IFT70A: variants seen among roughly 807,000 people sequenced by gnomAD.
IFT70A encodes intraflagellar transport protein 70A.
the IFT70A span, chr2:177,614,154 G>A: frequency 6.6e-6 from 1 of 152,066 alleles, no homozygotes; most frequent in South Asian, 2.1e-4. Context: ...GTGGTATCAA[G>A]TATAGAGTAA....
the IFT70A span, chr2:177,616,745 A>G: frequency 1.1e-5 from 17 of 1,546,274 alleles, no homozygotes; most frequent in East Asian, 4.5e-5. Context: ...AAAGCTTTCA[A>G]TTGTCTGGAC....
chr2:177,613,550 T>C, the IFT70A span: 6 of 152,218 alleles, frequency 3.9e-5, no homozygotes, highest in African/African-American at 9.6e-5. Context: ...GAGACTCTGA[T>C]TAGAAAAACT....
the IFT70A span, chr2:177,614,210 C>T: frequency 6.6e-6 from 1 of 152,088 alleles, no homozygotes; most frequent in African/African-American, 2.4e-5. Context: ...AAACACTATA[C>T]CTATGGCTAG....
At chr2:177,616,591 A>G in the IFT70A span, 1 of 1,021,424 alleles carries the variant, frequency 9.8e-7, no homozygotes, top group Non-Finnish European at 1.4e-6. Context: ...TGTTCTTACA[A>G]AGTGGATAAG....
At chr2:177,614,643 T>TA in the IFT70A span, 9 of 152,206 alleles carry the variant, frequency 5.9e-5, no homozygotes, top group Non-Finnish European at 1.2e-4. Context: ...AAAAGGTTGT[T>TA]ATGCATCTTT....
At chr2:177,617,182 G>A in the IFT70A span, 5 of 1,609,004 alleles carry the variant, frequency 3.1e-6, no homozygotes, top group Admixed American at 8.4e-5. Context: ...CATAATATAG[G>A]AAACACAGAG....
chr2:177,616,900 A>G, the IFT70A span: 1 of 1,595,988 alleles, frequency 6.3e-7, no homozygotes, highest in Non-Finnish European at 8.5e-7. Context: ...AATGACTATC[A>G]TGTGTTTTGA....
the IFT70A span, chr2:177,618,127 T>C: frequency 1.9e-6 from 3 of 1,614,192 alleles, no homozygotes; most frequent in Non-Finnish European, 2.5e-6. Flanking sequence ...AGCCAGGTTG[T>C]AGGAAAGGTC....
chr2:177,616,681 A>T, the IFT70A span: 1 of 1,461,432 alleles, frequency 6.8e-7, no homozygotes, highest in South Asian at 1.7e-5. Flanking sequence ...AGCCATTTTG[A>T]AAAAAGCCAC....
the IFT70A span, chr2:177,615,054 G>C: frequency 2.0e-5 from 3 of 152,180 alleles, no homozygotes; most frequent in South Asian, 2.1e-4. Flanking sequence ...CTTCTGTTCT[G>C]TTAATGGCAG....
chr2:177,617,486 C>T, the IFT70A span: 1 of 1,614,176 alleles, frequency 6.2e-7, no homozygotes, highest in African/African-American at 1.3e-5. Flanking sequence ...ATAGCTTCAT[C>T]ATCTCTGTTG....
the IFT70A span, chr2:177,618,269 C>G: frequency 6.2e-7 from 1 of 1,614,138 alleles, no homozygotes; most frequent in Non-Finnish European, 8.5e-7. Context: ...CTTTCTTCTC[C>G]CCCTTCCCCA....
the IFT70A span, chr2:177,616,424 G>A: frequency 6.1e-5 from 16 of 260,170 alleles, no homozygotes; most frequent in Admixed American, 7.1e-4. Flanking sequence ...CTCTATCTGG[G>A]GTTACTTGCT....
At chr2:177,618,591 T>C in the IFT70A span, 1 of 1,604,078 alleles carries the variant, frequency 6.2e-7, no homozygotes, top group Non-Finnish European at 8.5e-7. Flanking sequence ...TCCGCTGCAG[T>C]TCTCGGCCCA....
the IFT70A span, chr2:177,617,466 T>C: frequency 1.2e-6 from 2 of 1,613,994 alleles, no homozygotes; most frequent in East Asian, 4.5e-5. Flanking sequence ...ATTCATTCAC[T>C]GCCTTTTTGA....
chr2:177,616,700 A>C, the IFT70A span: 1 of 1,494,304 alleles, frequency 6.7e-7, no homozygotes, highest in Admixed American at 2.5e-5. Context: ...ACTATCAGTC[A>C]TAACTACTTA....
At chr2:177,614,911 G>C in the IFT70A span, 1 of 152,158 alleles carries the variant, frequency 6.6e-6, no homozygotes, top group Admixed American at 6.5e-5. Flanking sequence ...ATGTGGCTTT[G>C]ACCTTTTGGA....
the IFT70A span, chr2:177,616,741 T>G: frequency 1.1e-5 from 17 of 1,543,946 alleles, no homozygotes; most frequent in South Asian, 2.2e-4. Context: ...AATCAAAGCT[T>G]TCAATTGTCT....
chr2:177,618,220 C>G, the IFT70A span: 3 of 1,614,268 alleles, frequency 1.9e-6, no homozygotes, highest in Non-Finnish European at 1.7e-6. Flanking sequence ...GAGCAAACAA[C>G]CCAGGTTGAC....
Sources: gnomAD v4.1 joint callset for allele counts on GRCh38, gnomAD v4.1.1 for gene constraint, MANE v1.5 for transcripts, NCBI Gene and HGNC (gene_info 2026-07-23, HGNC 2026-07-21) for gene names.